The following SLC35F1 variants were observed in gnomAD, a reference collection of about 807,000 sequenced individuals.
The protein encoded by SLC35F1 is solute carrier family 35 member F1.
In SLC35F1, 14 loss-of-function variants were observed where a neutral mutation model predicts 48.7. The observed-to-expected ratio is 0.29, with a 90% confidence interval of 0.19 to 0.45. The LOEUF (loss-of-function observed/expected upper bound fraction) is 0.45, where lower values mean the gene tolerates loss of function less well. Ranked by LOEUF, SLC35F1 falls within the 20% of genes least tolerant of loss-of-function variation. The probability of loss-of-function intolerance (pLI) is 1.00; values close to 1 mark genes in which losing one functional copy is unlikely to be tolerated. For missense variants in SLC35F1, 404 were observed against 500.0 expected (o/e 0.81, Z 1.83); for synonymous variants, 190 against 202.2 (o/e 0.94, Z 0.51).
chr6:117,989,987 G>A (rs992463486), intron 1 of SLC35F1, among the ~76,000 whole-genome samples: 2 of 152,054 alleles, frequency 1.3e-5, no homozygotes, highest in African/African-American at 2.4e-5. Context: ...GCAGAGCTGA[G>A]TCCAACTTAG....
intron 3 of SLC35F1, among the ~76,000 whole-genome samples, chr6:118,265,398 C>T (rs1019470240): frequency 4.6e-5 from 7 of 152,300 alleles, no homozygotes; most frequent in African/African-American, 1.4e-4. Flanking sequence ...TAATTAAGTA[C>T]TATTACAATT....
At chr6:118,050,015 C>A (rs1428910960) in intron 1 of SLC35F1, among the ~76,000 whole-genome samples, 1 of 152,110 alleles carries the variant, frequency 6.6e-6, no homozygotes, top group Non-Finnish European at 1.5e-5. Context: ...CACATATACA[C>A]CATGGAATAC....
intron 1 of SLC35F1, among the ~76,000 whole-genome samples, chr6:118,136,688 A>G (rs1217895763): frequency 2.6e-5 from 4 of 152,212 alleles, no homozygotes; most frequent in African/African-American, 7.2e-5. Flanking sequence ...TATCAATGAC[A>G]GAGTGCTTGC....
At chr6:118,215,984 T>A (rs1336243335) in intron 2 of SLC35F1, among the ~76,000 whole-genome samples, 1 of 152,194 alleles carries the variant, frequency 6.6e-6, no homozygotes, top group African/African-American at 2.4e-5. Flanking sequence ...TAGATTTTCA[T>A]AAGAGCATAA....
intron 1 of SLC35F1, among the ~76,000 whole-genome samples, chr6:118,063,054 A>G (rs1381563919): frequency 6.6e-6 from 1 of 152,152 alleles, no homozygotes; most frequent in African/African-American, 2.4e-5. Context: ...ATTTGATGTC[A>G]TGTGGTCACA....
intron 1 of SLC35F1, among the ~76,000 whole-genome samples, chr6:117,963,346 TG>T (rs113486588): frequency 7.5e-6 from 1 of 133,142 alleles, no homozygotes; most frequent in South Asian, 2.5e-4. Flanking sequence ...TTTATTTTAT[TG>T]TTTTTTTTTT....
chr6:118,227,629 T>C (rs1775235246), intron 2 of SLC35F1, among the ~76,000 whole-genome samples: 1 of 152,168 alleles, frequency 6.6e-6, no homozygotes, highest in South Asian at 2.1e-4. Flanking sequence ...TAGGCATTTC[T>C]TGAAAAAGGG....
intron 1 of SLC35F1, among the ~76,000 whole-genome samples, chr6:118,084,014 T>A (rs1003205034): frequency 2.0e-5 from 3 of 152,222 alleles, no homozygotes; most frequent in African/African-American, 4.8e-5. Flanking sequence ...ATGTGTATTT[T>A]GTTTAATTCT....
intron 1 of SLC35F1, among the ~76,000 whole-genome samples, chr6:118,018,098 C>G (rs1217241100): frequency 6.6e-6 from 1 of 152,146 alleles, no homozygotes; most frequent in African/African-American, 2.4e-5. Flanking sequence ...ATAGGCCGGG[C>G]ACGGTGGCTC....
At chr6:118,090,273 A>G (rs1773053925) in intron 1 of SLC35F1, among the ~76,000 whole-genome samples, 1 of 152,158 alleles carries the variant, frequency 6.6e-6, no homozygotes, top group Non-Finnish European at 1.5e-5. Flanking sequence ...TTAGTCCTAG[A>G]AATGGGTTTT....
intron 2 of SLC35F1, among the ~76,000 whole-genome samples, chr6:118,164,843 G>A (rs1774294469): frequency 6.6e-6 from 1 of 152,116 alleles, no homozygotes; most frequent in Non-Finnish European, 1.5e-5. Flanking sequence ...TTCATAGAAG[G>A]ATCAGAAATA....
intron 1 of SLC35F1, among the ~76,000 whole-genome samples, chr6:117,970,337 C>G (rs895976163): frequency 4.6e-5 from 7 of 152,220 alleles, no homozygotes; most frequent in African/African-American, 1.7e-4. Context: ...GGTATAGCCT[C>G]TGTTATTCAT....
At chr6:118,079,094 T>A (rs975727686) in intron 1 of SLC35F1, among the ~76,000 whole-genome samples, 7 of 152,224 alleles carry the variant, frequency 4.6e-5, no homozygotes, top group African/African-American at 1.7e-4. Flanking sequence ...CAATTCAATG[T>A]CATTAAATAC....
chr6:117,958,672 T>C (rs189480623), intron 1 of SLC35F1, among the ~76,000 whole-genome samples: 1 of 152,338 alleles, frequency 6.6e-6, no homozygotes, highest in East Asian at 1.9e-4. Context: ...CCACAGAGCC[T>C]AGGTGTGCAG....
chr6:118,222,536 T>G (rs1488780057), intron 2 of SLC35F1, among the ~76,000 whole-genome samples: 1 of 152,096 alleles, frequency 6.6e-6, no homozygotes, highest in Non-Finnish European at 1.5e-5. Context: ...TAAAGACAAA[T>G]TTCCCCTCAT....
intron 1 of SLC35F1, among the ~76,000 whole-genome samples, chr6:117,930,865 T>C (rs543448648): frequency 6.6e-6 from 1 of 152,116 alleles, no homozygotes; most frequent in East Asian, 1.9e-4. Context: ...AATAACCCAT[T>C]GTATGCAGCA....
intron 1 of SLC35F1, among the ~76,000 whole-genome samples, chr6:118,151,927 C>T (rs1028375190): frequency 3.3e-5 from 5 of 152,016 alleles, no homozygotes; most frequent in African/African-American, 4.8e-5. Flanking sequence ...TTGTTGCCTA[C>T]GCCTCCTCTG....
intron 1 of SLC35F1, among the ~76,000 whole-genome samples, chr6:118,125,385 G>T (rs1264124552): frequency 6.9e-6 from 1 of 144,880 alleles, no homozygotes; most frequent in Non-Finnish European, 1.5e-5. Context: ...TTGGGGGGGG[G>T]GATCAGATAC....
Position 118,316,962 on chromosome 6 carries a change from A to G in SLC35F1, c.*2710A>G, listed in dbSNP as rs548049174. 1.3e-5 allele frequency: 2 copies of G among 152,712 alleles called. No homozygotes were observed. The highest frequency in any genetic ancestry group is 4.1e-4 in the South Asian group (2 of 4,826). 9.5% of individuals were successfully genotyped at this position (152,712 alleles called of 1,614,324 possible). On this transcript the variant is annotated 3_prime_UTR_variant, in exon 8 of 8. Transcript: ENST00000360388. ...CAAATTCTTTTTCTGTGTAAAAAAC[A>G]CTGATCCTTTGGGAATGGGGCGGGA...
Sources: gnomAD v4.1 joint callset for allele counts (sites outside exome capture counted in the v4.1 genomes callset) on GRCh38, gnomAD v4.1.1 for gene constraint, MANE v1.5 for transcripts, NCBI Gene and HGNC (gene_info 2026-07-23, HGNC 2026-07-21) for gene names.